Variants in EVI5 observed in about 807,000 individuals in gnomAD.
EVI5 encodes the protein ecotropic viral integration site 5 protein homolog.
Under a neutral mutation model 112.0 loss-of-function variants are expected in EVI5, and 73 were observed. The observed-to-expected ratio is 0.65, with a 90% CI of 0.54 to 0.79. The LOEUF is 0.79. Ranked by LOEUF, EVI5 falls within the 30% of genes least tolerant of loss-of-function variation. EVI5 has a pLI of 0.00. For synonymous variants in EVI5, 305 were observed against 319.9 expected (o/e 0.95, Z 0.50); for missense variants, 900 against 968.8 (o/e 0.93, Z 0.94).
At chr1:92,731,530 GC>G (rs1227129321) in intron 2 of EVI5, among the ~76,000 whole-genome samples, 1 of 152,134 alleles carries the variant, frequency 6.6e-6, no homozygotes, top group Non-Finnish European at 1.5e-5. Context: ...ATTTCAGCAG[GC>G]GTTTTTGTAG....
intron 9 of EVI5, among the ~76,000 whole-genome samples, chr1:92,686,182 CA>C (rs1318390968): frequency 6.6e-6 from 1 of 152,174 alleles, no homozygotes; most frequent in Non-Finnish European, 1.5e-5. Flanking sequence ...AGCAGCACAT[CA>C]AAAAGCTTAT....
intron 13 of EVI5, among the ~76,000 whole-genome samples, chr1:92,652,195 T>C (rs1262430321): frequency 6.6e-6 from 1 of 152,216 alleles, no homozygotes; most frequent in Non-Finnish European, 1.5e-5. Context: ...ATACCTGTTA[T>C]AACAATGATG....
At chr1:92,772,159 T>C (rs999148251) in intron 1 of EVI5, among the ~76,000 whole-genome samples, 6 of 151,640 alleles carry the variant, frequency 4.0e-5, no homozygotes, top group Non-Finnish European at 8.8e-5. Flanking sequence ...GCCTGCCCAC[T>C]GTACCAGAAT....
chr1:92,710,283 C>T (rs1672652622), intron 2 of EVI5, among the ~76,000 whole-genome samples: 1 of 151,732 alleles, frequency 6.6e-6, no homozygotes, highest in Admixed American at 6.6e-5. Context: ...GTTGAGACTG[C>T]AGTGTGCCAT....
chr1:92,787,682 G>A (rs1325879366), upstream of EVI5, among the ~76,000 whole-genome samples: 1 of 151,844 alleles, frequency 6.6e-6, no homozygotes, highest in African/African-American at 2.4e-5. Context: ...TGAGGCCGAA[G>A]TGAGCCATGA....
chr1:92,716,329 G>A (rs553867280), intron 2 of EVI5, among the ~76,000 whole-genome samples: 1 of 152,320 alleles, frequency 6.6e-6, no homozygotes, highest in South Asian at 2.1e-4. Flanking sequence ...GGCAAACAGG[G>A]TCTGGAGTGG....
At chr1:92,736,220 C>T (rs1428803974) in intron 2 of EVI5, among the ~76,000 whole-genome samples, 178 bp downstream of exon 2, 1 of 151,788 alleles carries the variant, frequency 6.6e-6, no homozygotes, top group Non-Finnish European at 1.5e-5. Flanking sequence ...GCTATTTGAG[C>T]CAGAAGAAAA....
intron 9 of EVI5, among the ~76,000 whole-genome samples, chr1:92,688,421 A>G (rs1165817891): frequency 5.3e-5 from 8 of 152,156 alleles, no homozygotes; most frequent in Non-Finnish European, 1.0e-4. Flanking sequence ...TTGCTCTCTC[A>G]GGGGATGCTC....
In EVI5 at chr1:92,599,385, A is replaced by G. The variant is rs1035211902; in HGVS notation, c.2070+5922T>C. ...TTAGACTAAGTTGAGTTCTCCCCCTAGTGGAACTTGAATATGATCTAAGAT... is the reference window on the plus strand; with the variant it reads ...TTAGACTAAGTTGAGTTCTCCCCCTGGTGGAACTTGAATATGATCTAAGAT... On this transcript the variant is annotated intron_variant, in intron 18 of 19. Coordinates refer to ENST00000684568, the MANE Select transcript of EVI5 (RefSeq NM_001350197.2). Among the ~76,000 whole-genome samples the G allele has an allele frequency of 2.0e-5, 3 of 152,160 alleles. No homozygotes were observed. The East Asian group carries it at 5.8e-4, about 29-fold the overall frequency.
At chr1:92,548,188 T>C (rs1416815208) in intron 19 of EVI5, among the ~76,000 whole-genome samples, 1 of 152,176 alleles carries the variant, frequency 6.6e-6, no homozygotes, top group Non-Finnish European at 1.5e-5. Flanking sequence ...CAAGACTGGT[T>C]CAACATACGA....
At chr1:92,637,506 A>G (rs1659124605) in intron 13 of EVI5, among the ~76,000 whole-genome samples, 5 of 152,224 alleles carry the variant, frequency 3.3e-5, no homozygotes, top group Admixed American at 3.3e-4. Flanking sequence ...TCTATAAAAC[A>G]TGAATATTGA....
chr1:92,649,539 A>G (rs11164790), intron 13 of EVI5, among the ~76,000 whole-genome samples: 140,285 of 152,252 alleles, frequency 0.92, 64,717 homozygotes, highest in East Asian at 0.97. Flanking sequence ...AAGTTGGCTG[A>G]GCACAGTGGC....
At chr1:92,677,301 G>T in intron 9 of EVI5, 83 bp from the exon 10 acceptor site, 2 of 687,034 alleles carry the variant, frequency 2.9e-6, no homozygotes, top group Non-Finnish European at 4.8e-6. Flanking sequence ...AAATACATAT[G>T]AACATAAAAT....
At chr1:92,769,805 T>C (rs1683127855) in intron 1 of EVI5, among the ~76,000 whole-genome samples, 1 of 152,110 alleles carries the variant, frequency 6.6e-6, no homozygotes, top group African/African-American at 2.4e-5. Context: ...GAGAATGGCA[T>C]GAACCCGAGA....
chr1:92,568,019 C>A (rs1669755425), intron 18 of EVI5, among the ~76,000 whole-genome samples: 1 of 152,130 alleles, frequency 6.6e-6, no homozygotes, highest in Admixed American at 6.5e-5. Flanking sequence ...TCTCTGAGGC[C>A]TTCCCTGTTT....
At chr1:92,648,190 C>CAAAAAAA (rs961901260) in intron 13 of EVI5, among the ~76,000 whole-genome samples, 58 of 24,070 alleles carry the variant, frequency 2.4e-3, no homozygotes, top group African/African-American at 4.3e-3. Context: ...ACTAAAAATA[C>CAAAAAAA]AAAAAAAAAA....
chr1:92,594,028 T>G lies in EVI5; in HGVS notation c.2070+11279A>C, dbSNP rs538293707. ...ATTTATAGATTCAATGCCATCCCCA[T>G]CAAGCTACCAATGACTTTCTTCACA... On this transcript the variant is annotated intron_variant, in intron 18 of 19. Coordinates refer to ENST00000684568, the MANE Select transcript of EVI5 (RefSeq NM_001350197.2). Among the ~76,000 whole-genome samples, 12 of 152,298 alleles carry G rather than the reference T, an allele frequency of 7.9e-5. No individual in the cohort carries two copies. In the South Asian group the frequency reaches 2.5e-3, roughly 32 times the overall value.
chr1:92,687,432 A>G (rs1668741461), intron 9 of EVI5, among the ~76,000 whole-genome samples: 1 of 152,150 alleles, frequency 6.6e-6, no homozygotes, highest in South Asian at 2.1e-4. Flanking sequence ...AAAACCATAA[A>G]AACCCTAGAA....
Position 92,627,934 on chromosome 1 carries a change from G to A in EVI5, c.1528-2000C>T, listed in dbSNP as rs369985695. Among the ~76,000 whole-genome samples, 94 of 152,030 alleles carry A rather than the reference G, an allele frequency of 6.2e-4. No individual in the cohort carries two copies. In the East Asian group the frequency reaches 0.011, roughly 18 times the overall value. ...CTCCCGAGTAGCTGGGATTACAGGC[G>A]CCGGCCACCATGCCTGGCTAATTTT... On this transcript the variant is annotated intron_variant, in intron 14 of 19. Transcript: ENST00000684568.
Sources: allele counts gnomAD v4.1 joint callset (sites outside exome capture counted in the v4.1 genomes callset), GRCh38; gene constraint gnomAD v4.1.1; transcripts MANE v1.5; gene names NCBI Gene and HGNC (gene_info 2026-07-23, HGNC 2026-07-21).